Variants in COL13A1 observed in about 807,000 individuals in gnomAD.
COL13A1 encodes the protein collagen type XIII alpha 1 chain, also known as collagen alpha-1(XIII) chain.
COL13A1 carries 89 observed loss-of-function variants against 130.9 expected under a neutral mutation model. That is an observed-to-expected ratio of 0.68 (90% CI 0.57 to 0.81). The LOEUF (loss-of-function observed/expected upper bound fraction) is 0.81, where lower values mean the gene tolerates loss of function less well. Ranked by LOEUF, COL13A1 falls within the 30% of genes least tolerant of loss-of-function variation. COL13A1 has a pLI of 0.00. For missense variants in COL13A1, 879 were observed against 934.6 expected (o/e 0.94, Z 0.78); for synonymous variants, 402 against 341.6 (o/e 1.18, Z -1.95).
intron 14 of COL13A1, among the ~76,000 whole-genome samples, chr10:69,901,472 C>T (rs927718456): frequency 2.6e-5 from 4 of 152,200 alleles, no homozygotes; most frequent in Non-Finnish European, 2.9e-5. Context: ...CTGCCTTCCT[C>T]GCATGGGGAA....
chr10:69,955,012 G>T, intron 39 of COL13A1: 1 of 152,252 alleles, frequency 6.6e-6, no homozygotes, highest in East Asian at 1.9e-4. Flanking sequence ...GGCTCAAGGG[G>T]TTACAGCTCT....
In COL13A1 at chr10:69,927,155, G is replaced by T. The variant is rs199511258; in HGVS notation, c.1422+45G>T. On this transcript the variant is annotated intron_variant, in intron 27 of 40. Coordinates refer to ENST00000645393, the MANE Select transcript of COL13A1 (RefSeq NM_001368882.1). The stretch of plus-strand genomic sequence containing the variant: ...GCTTTCCTTGGGCACTGGACGGGGG[G>T]GCTGGGGATGGCAGCCTGGAAGCAA... 5,333 of 1,609,902 alleles carry T rather than the reference G, an allele frequency of 3.3e-3. 74 individuals carry two copies. Among genetic ancestry groups the T allele is most frequent in the Middle Eastern group, 0.032 (190 of 6,026 alleles).
chr10:69,888,805 G>A (rs2060865632), intron 9 of COL13A1, among the ~76,000 whole-genome samples: 1 of 152,268 alleles, frequency 6.6e-6, no homozygotes, highest in East Asian at 1.9e-4. Context: ...TCCCACCATA[G>A]CTCCTCTCTT....
intron 14 of COL13A1, 22 bp downstream of exon 14, chr10:69,898,784 A>G (rs750583914): frequency 6.2e-7 from 1 of 1,600,008 alleles, no homozygotes; most frequent in East Asian, 2.2e-5. Flanking sequence ...CCGTTTGTCC[A>G]GACCATGTGT....
intron 3 of COL13A1, among the ~76,000 whole-genome samples, chr10:69,871,904 A>G (rs1297592185): frequency 6.6e-6 from 1 of 152,230 alleles, no homozygotes; most frequent in Non-Finnish European, 1.5e-5. Flanking sequence ...TTTCAAGATG[A>G]AAACACTGAG....
chr10:69,808,378 G>A (rs1291052743), intron 1 of COL13A1, among the ~76,000 whole-genome samples: 6 of 152,188 alleles, frequency 3.9e-5, no homozygotes, highest in Non-Finnish European at 7.3e-5. Flanking sequence ...CCAACTTCCT[G>A]TTGCTCTTCC....
intron 17 of COL13A1, among the ~76,000 whole-genome samples, chr10:69,916,962 C>T (rs1160050892): frequency 1.3e-5 from 2 of 152,228 alleles, no homozygotes; most frequent in African/African-American, 4.8e-5. Context: ...TCCCGTCCCA[C>T]AGCCCAAGTT....
chr10:69,846,595 G>C (rs545334093), intron 2 of COL13A1, among the ~76,000 whole-genome samples: 1 of 152,134 alleles, frequency 6.6e-6, no homozygotes, highest in South Asian at 2.1e-4. Flanking sequence ...CCAAGCTTAG[G>C]GACATTCAAT....
intron 1 of COL13A1, among the ~76,000 whole-genome samples, chr10:69,808,114 A>G (rs1471231716): frequency 1.3e-5 from 2 of 152,160 alleles, no homozygotes; most frequent in Non-Finnish European, 2.9e-5. Context: ...CCGCTTCTCC[A>G]AAGGTCTTCG....
At chr10:69,926,866 G>A (rs2065433335) in intron 26 of COL13A1, among the ~76,000 whole-genome samples, 1 of 152,180 alleles carries the variant, frequency 6.6e-6, no homozygotes, top group East Asian at 1.9e-4. Context: ...ATCATGCTTA[G>A]GAGATGCTAC....
At chr10:69,824,468 G>T (rs144862076) in intron 2 of COL13A1, among the ~76,000 whole-genome samples, 7 of 152,304 alleles carry the variant, frequency 4.6e-5, no homozygotes, top group African/African-American at 1.4e-4. Flanking sequence ...AGAAAGTCAG[G>T]CTCAGGTAGT....
chr10:69,845,587 C>T (rs1345591939), intron 2 of COL13A1, among the ~76,000 whole-genome samples: 1 of 152,186 alleles, frequency 6.6e-6, no homozygotes, highest in Non-Finnish European at 1.5e-5. Flanking sequence ...ACTCCTTCCC[C>T]TCCCTCAGCC....
chr10:69,802,109 C>T lies in COL13A1; in HGVS notation c.-315C>T, dbSNP rs1840167153. The T allele has an allele frequency of 3.3e-6, 1 of 307,454 alleles. No individual in the cohort carries two copies. Among genetic ancestry groups the T allele is most frequent in the African/African-American group, 2.2e-5 (1 of 45,362 alleles). 19.0% of individuals were successfully genotyped at this position (307,454 alleles called of 1,614,324 possible). On this transcript the variant is annotated 5_prime_UTR_variant, in exon 1 of 41. Coordinates refer to ENST00000645393, the MANE Select transcript of COL13A1 (RefSeq NM_001368882.1). The stretch of plus-strand genomic sequence containing the variant: ...AGCGCGGCACCAACTGCTCTGCAGA[C>T]ACTTGAAGGGAAAGACTGGGCGGAG...
At chr10:69,912,327 C>T (rs925026318) in intron 17 of COL13A1, among the ~76,000 whole-genome samples, 3 of 152,196 alleles carry the variant, frequency 2.0e-5, no homozygotes, top group Non-Finnish European at 2.9e-5. Context: ...CACTTCCTGC[C>T]GGCCCTAATT....
intron 31 of COL13A1, among the ~76,000 whole-genome samples, chr10:69,934,304 A>G (rs546335650): frequency 4.6e-5 from 7 of 152,236 alleles, no homozygotes; most frequent in Non-Finnish European, 8.8e-5. Context: ...CTTACTTATA[A>G]TAAGAATTAA....
At chr10:69,827,667 G>A (rs937865361) in intron 2 of COL13A1, among the ~76,000 whole-genome samples, 1 of 152,194 alleles carries the variant, frequency 6.6e-6, no homozygotes, top group African/African-American at 2.4e-5. Flanking sequence ...CTTATGAGCT[G>A]CTATTTACCT....
Position 69,935,390 on chromosome 10 carries a change from C to T in COL13A1, c.1769C>T (p.Pro590Leu), listed in dbSNP as rs766119482. ...GGGCCAGAGGGGCCTCCCGGACCTC[C>T]GGTAAGTTTGGAGGGCTTGTCAGTG... ...LPGPEGPPGP[P>L]GLQGVPGPKG... Residue 590 changes from proline (P) to leucine (L), a missense_variant and splice_region_variant, in exon 32 of 41, where the codon CCG becomes CTG. Pro to Leu is a moderately conservative substitution (Grantham distance 98, BLOSUM62 -3). This residue lies in a region of COL13A1 where 96 missense variants were observed against 147.7 expected (regional missense o/e 0.65). Transcript: ENST00000645393. 24 of 1,561,552 alleles carry T rather than the reference C, an allele frequency of 1.5e-5. No homozygotes were observed. In the South Asian group the frequency reaches 1.7e-4, roughly 11 times the overall value.
At chr10:69,848,829 A>T (rs7903513) in intron 2 of COL13A1, among the ~76,000 whole-genome samples, 2 of 152,200 alleles carry the variant, frequency 1.3e-5, no homozygotes, top group Admixed American at 1.3e-4. Context: ...AGGGCCTAAG[A>T]GTCCCCTCCA....
At chr10:69,947,120 T>A (rs1039635820) in intron 37 of COL13A1, among the ~76,000 whole-genome samples, 187 bp from the exon 38 acceptor site, 1 of 152,206 alleles carries the variant, frequency 6.6e-6, no homozygotes, top group South Asian at 2.1e-4. Context: ...CCAGAACTCA[T>A]CATTTGCCTC....
Sources: gnomAD v4.1 joint callset for allele counts (sites outside exome capture counted in the v4.1 genomes callset) on GRCh38, gnomAD v4.1.1 for gene constraint, gnomAD v4.1.1 regional missense constraint, MANE v1.5 for transcripts, NCBI Gene and HGNC (gene_info 2026-07-23, HGNC 2026-07-21) for gene names.